Variants in LRP1B observed in about 807,000 individuals in gnomAD.
LRP1B encodes the protein low-density lipoprotein receptor-related protein 1B.
Under a neutral mutation model 556.6 loss-of-function variants are expected in LRP1B, and 217 were observed. That is an observed-to-expected ratio of 0.39 (90% CI 0.35 to 0.44). The LOEUF (loss-of-function observed/expected upper bound fraction) is 0.44, where lower values mean the gene tolerates loss of function less well. LRP1B is among the 20% of genes least tolerant of loss of function. The pLI is 1.00. For synonymous variants in LRP1B, 2,047 were observed against 1,865.8 expected (o/e 1.10, Z -2.50); for missense variants, 5,053 against 5,620.8 (o/e 0.90, Z 3.23).
intron 3 of LRP1B, among the ~76,000 whole-genome samples, chr2:141,359,584 C>T (rs944796550): frequency 4.6e-5 from 7 of 152,028 alleles, no homozygotes; most frequent in Non-Finnish European, 1.0e-4. Context: ...GGTGAAACCC[C>T]ATCTTTACTA....
chr2:141,132,765 A>G (rs1395097600), intron 7 of LRP1B, among the ~76,000 whole-genome samples: 1 of 152,016 alleles, frequency 6.6e-6, no homozygotes. Context: ...TTGGACATGG[A>G]CATGCTGTGT....
intron 17 of LRP1B, 115 bp from the exon 18 acceptor site, chr2:140,982,391 A>C: frequency 1.6e-6 from 1 of 634,424 alleles, no homozygotes; most frequent in Non-Finnish European, 2.7e-6. Context: ...TCTCTATTAA[A>C]ATAAAATATT....
intron 3 of LRP1B, among the ~76,000 whole-genome samples, chr2:141,380,369 C>A (rs1485091760): frequency 6.6e-6 from 1 of 152,190 alleles, no homozygotes; most frequent in East Asian, 1.9e-4. Context: ...ACAGTCGCTA[C>A]CCAACTAATA....
intron 41 of LRP1B, among the ~76,000 whole-genome samples, chr2:140,611,220 TAAG>T (rs1170945646): frequency 1.3e-5 from 2 of 152,196 alleles, no homozygotes; most frequent in Non-Finnish European, 1.5e-5. Context: ...GTTTTTATTA[TAAG>T]AAGTTGTGCT....
rs749878733 is a variant in LRP1B, at chr2:140,485,399, T to C, written c.9369A>G (p.Ile3123Met). 2.0e-5 allele frequency: 32 copies of C among 1,613,778 alleles called. No individual in the cohort carries two copies. Among genetic ancestry groups the C allele is most frequent in the Non-Finnish European group, 2.5e-5 (29 of 1,179,840 alleles). The change falls in exon 59 of 91, where the codon ATA becomes ATG. Residue 3123 changes from isoleucine to methionine, a missense_variant. Coordinates refer to ENST00000389484, the MANE Select transcript of LRP1B (RefSeq NM_018557.3). ...VSKLNGLYPT[I>M]LVSKRLKFPR... ...GAAACTTCAGCCTTTTGCTAACGAG[T>C]ATAGTAGGGTACAAGCCATTGAGTT...
At position 141,096,629 on chromosome 2, in the gene LRP1B, GGAGAGAGAGAGAGAGAGAGAGAGAGAGA is replaced by G. The variant is rs756327718; in HGVS notation, c.1014-34384_1014-34357del. 1.0e-4 allele frequency among the ~76,000 whole-genome samples: 6 copies of G among 59,744 alleles called. No homozygotes were observed. In the East Asian group the frequency reaches 3.0e-3, roughly 30 times the overall value. The allele number at this position is 59,744 out of a possible 152,430, so 39.2% of individuals were successfully genotyped here. ...CTGAATGACAAAGACGGGGAGAGGG[GGAGAGAGAGAGAGAGAGAGAGAGAGAGA>G]GAGAGAGAGAGAGAGAGAGAGAGAG... On this transcript the variant is annotated intron_variant, in intron 7 of 90. Transcript: ENST00000389484.
At chr2:140,358,683 C>T in intron 73 of LRP1B, 138 bp downstream of exon 73, 3 of 879,826 alleles carry the variant, frequency 3.4e-6, no homozygotes, top group South Asian at 3.3e-5. Context: ...ATTTTTATAC[C>T]TTGTCAGAAG....
At chr2:141,964,861 A>T (rs1221026879) in intron 1 of LRP1B, among the ~76,000 whole-genome samples, 1 of 151,408 alleles carries the variant, frequency 6.6e-6, no homozygotes, top group Non-Finnish European at 1.5e-5. Flanking sequence ...CAAAGGGCTA[A>T]TATCCAGAAT....
chr2:140,873,615 T>C (rs1187696781), intron 25 of LRP1B, among the ~76,000 whole-genome samples: 2 of 152,086 alleles, frequency 1.3e-5, no homozygotes, highest in Non-Finnish European at 2.9e-5. Flanking sequence ...TAATTTTAAA[T>C]GATGACTAGC....
At chr2:141,897,811 A>G (rs974375508) in intron 1 of LRP1B, among the ~76,000 whole-genome samples, 2 of 152,306 alleles carry the variant, frequency 1.3e-5, no homozygotes, top group East Asian at 3.9e-4. Flanking sequence ...AAACCTGCAT[A>G]AATTTCACAA....
At chr2:141,465,355 A>G (rs980431041) in intron 3 of LRP1B, among the ~76,000 whole-genome samples, 3 of 152,140 alleles carry the variant, frequency 2.0e-5, no homozygotes, top group Non-Finnish European at 4.4e-5. Context: ...AATGGAAAAA[A>G]AAATAAGGAA....
intron 3 of LRP1B, among the ~76,000 whole-genome samples, chr2:141,451,466 C>T (rs1330391270): frequency 1.3e-5 from 2 of 152,144 alleles, no homozygotes; most frequent in African/African-American, 4.8e-5. Context: ...TACAAATTAA[C>T]TAATTCAGAA....
At chr2:141,338,528 A>G (rs563303671) in intron 3 of LRP1B, among the ~76,000 whole-genome samples, 2 of 152,284 alleles carry the variant, frequency 1.3e-5, no homozygotes, top group South Asian at 2.1e-4. Context: ...ACTTGAATAC[A>G]TCTACTCCTA....
intron 1 of LRP1B, among the ~76,000 whole-genome samples, chr2:142,078,199 T>C (rs114890774): frequency 1.5e-4 from 23 of 152,266 alleles, no homozygotes; most frequent in Middle Eastern, 3.4e-3. Flanking sequence ...GATTGAAATG[T>C]ACATTTTCTC....
rs149095900 is a variant in LRP1B, at chr2:141,582,344, T to G, written c.206-101811A>C. 5.0e-3 allele frequency among the ~76,000 whole-genome samples: 761 copies of G among 152,268 alleles called. 7 individuals are homozygous for G. Among genetic ancestry groups the G allele is most frequent in the African/African-American group, 0.016 (671 of 41,544 alleles). On this transcript the variant is annotated intron_variant, in intron 2 of 90. Transcript: ENST00000389484. Reference sequence around the variant, plus strand: ...ACAAGGAATTCATGAGACGCACAAGTTGTTCCTGCTGCTGTTTGTGTTGTT... The same window carrying G: ...ACAAGGAATTCATGAGACGCACAAGGTGTTCCTGCTGCTGTTTGTGTTGTT...
chr2:142,033,820 A>G (rs911076744), intron 1 of LRP1B, among the ~76,000 whole-genome samples: 3 of 143,778 alleles, frequency 2.1e-5, no homozygotes, highest in African/African-American at 7.3e-5. Context: ...ATTGTGTTCT[A>G]TAATAATAAT....
intron 1 of LRP1B, among the ~76,000 whole-genome samples, chr2:141,917,874 A>G (rs1331125850): frequency 6.6e-6 from 1 of 152,236 alleles, no homozygotes; most frequent in Non-Finnish European, 1.5e-5. Context: ...TGTCTTTAGT[A>G]GAATAATGTT....
At chr2:140,642,108 C>T (rs1286749423) in intron 41 of LRP1B, among the ~76,000 whole-genome samples, 3 of 152,160 alleles carry the variant, frequency 2.0e-5, no homozygotes, top group Non-Finnish European at 4.4e-5. Context: ...AAGGGCTGTG[C>T]ATCTCAGTGG....
chr2:141,058,483 A>G, intron 9 of LRP1B, among the ~76,000 whole-genome samples: 1 of 151,890 alleles, frequency 6.6e-6, no homozygotes, highest in Non-Finnish European at 1.5e-5. Context: ...TGCAATGTTA[A>G]GTTAGGAGAG....
Sources: gnomAD v4.1 joint callset for allele counts (sites outside exome capture counted in the v4.1 genomes callset) on GRCh38, gnomAD v4.1.1 for gene constraint, MANE v1.5 for transcripts, NCBI Gene and HGNC (gene_info 2026-07-23, HGNC 2026-07-21) for gene names.